The following ATP6V0A4 variants were observed in gnomAD, a reference collection of about 807,000 sequenced individuals.
ATP6V0A4 encodes ATPase H+ transporting V0 subunit a4, also known as V-type proton ATPase 116 kDa subunit a 4.
A neutral mutation model predicts 107.3 loss-of-function variants in ATP6V0A4; 86 were observed. The observed-to-expected ratio is 0.80, with a 90% CI of 0.67 to 0.96. The LOEUF is 0.96. ATP6V0A4 is among the 40% of genes least tolerant of loss of function. ATP6V0A4 has a pLI of 0.00. For missense variants in ATP6V0A4, 908 were observed against 1,045.6 expected, an observed-to-expected ratio of 0.87 and a Z score of 1.81; for synonymous variants, 353 against 381.4, an observed-to-expected ratio of 0.93 and a Z score of 0.87.
chr7:138,733,364 G>A (rs908769461), intron 16 of ATP6V0A4, among the ~76,000 whole-genome samples: 7 of 151,880 alleles, frequency 4.6e-5, no homozygotes, highest in African/African-American at 1.5e-4. Flanking sequence ...CAAAGGTCAT[G>A]CCCACACAGA....
intron 14 of ATP6V0A4, among the ~76,000 whole-genome samples, chr7:138,743,457 C>A (rs1365435091): frequency 1.1e-3 from 136 of 125,182 alleles, no homozygotes; most frequent in South Asian, 1.8e-3. Context: ...GACTCCATCT[C>A]AAAAAAAAAA....
chr7:138,790,845 A>G (rs1349589446), intron 1 of ATP6V0A4, among the ~76,000 whole-genome samples: 5 of 152,180 alleles, frequency 3.3e-5, no homozygotes, highest in Admixed American at 3.3e-4. Flanking sequence ...TGTTGCCCCC[A>G]AGCACTCGAT....
intron 21 of ATP6V0A4, among the ~76,000 whole-genome samples, chr7:138,708,610 A>G (rs1241614422): frequency 6.6e-6 from 1 of 152,150 alleles, no homozygotes; most frequent in Non-Finnish European, 1.5e-5. Flanking sequence ...AGGCCTAAAC[A>G]TGTTTCCATA....
chr7:138,780,631 C>A (rs933632919), intron 2 of ATP6V0A4, among the ~76,000 whole-genome samples: 2 of 152,186 alleles, frequency 1.3e-5, no homozygotes, highest in African/African-American at 4.8e-5. Flanking sequence ...CAACCTCCAT[C>A]CCTGCCACCA....
At chr7:138,754,549 T>C (rs1456775960) in intron 10 of ATP6V0A4, among the ~76,000 whole-genome samples, 3 of 152,072 alleles carry the variant, frequency 2.0e-5, no homozygotes, top group African/African-American at 4.8e-5. Flanking sequence ...TTTCTTAACA[T>C]ACTTGTCCAG....
chr7:138,743,450 T>G (rs1477935921), intron 14 of ATP6V0A4, among the ~76,000 whole-genome samples: 1 of 116,134 alleles, frequency 8.6e-6, no homozygotes, highest in African/African-American at 3.3e-5. Flanking sequence ...AGAGCAAGAC[T>G]CCATCTCAAA....
At chr7:138,733,285 G>A (rs1805124280) in intron 16 of ATP6V0A4, 192 bp from the exon 17 acceptor site, 26 of 452,776 alleles carry the variant, frequency 5.7e-5, no homozygotes, top group Non-Finnish European at 6.8e-5. Flanking sequence ...AAAATTGAAA[G>A]GAAATACTGG....
chr7:138,744,349 T>C (rs1301935197), intron 14 of ATP6V0A4, among the ~76,000 whole-genome samples: 1 of 150,822 alleles, frequency 6.6e-6, no homozygotes, highest in Non-Finnish European at 1.5e-5. Context: ...GCAGTTCTCG[T>C]GCCTTGGCCT....
chr7:138,749,129 T>G, intron 12 of ATP6V0A4, 38 bp downstream of exon 12: 1 of 1,612,818 alleles, frequency 6.2e-7, no homozygotes, highest in Non-Finnish European at 8.5e-7. Context: ...AGTTTTCACT[T>G]TCAAGCTACC....
intron 3 of ATP6V0A4, 24 bp downstream of exon 3, chr7:138,771,107 A>G (rs1807358889): frequency 6.2e-7 from 1 of 1,608,744 alleles, no homozygotes; most frequent in Non-Finnish European, 8.5e-7. Flanking sequence ...CCTTCCTCTT[A>G]TCTCCAAAGA....
chr7:138,708,000 G>C (rs192171738), intron 21 of ATP6V0A4, among the ~76,000 whole-genome samples: 1 of 150,428 alleles, frequency 6.6e-6, no homozygotes, highest in Non-Finnish European at 1.5e-5. Context: ...ATACCATGTC[G>C]GATGATTTAT....
In ATP6V0A4 at chr7:138,709,623, C is replaced by T; in HGVS notation, c.2429+1G>A. On this transcript the variant is annotated splice_donor_variant, in intron 21 of 21. Coordinates refer to ENST00000310018, the MANE Select transcript of ATP6V0A4 (RefSeq NM_020632.3). LOFTEE classifies it high-confidence loss of function. ...AGCTTCCAGGGGACAACCATCCTTA[C>T]CAGTGCAGTCGCAGGGCGTGCAGGA... 1 of 1,612,250 alleles carries T rather than the reference C, an allele frequency of 6.2e-7. No individual in the cohort carries two copies. Among genetic ancestry groups the T allele is most frequent in the Non-Finnish European group, 8.5e-7 (1 of 1,178,928 alleles).
intron 2 of ATP6V0A4, among the ~76,000 whole-genome samples, chr7:138,775,007 C>T (rs892348251): frequency 6.6e-6 from 1 of 152,016 alleles, no homozygotes; most frequent in African/African-American, 2.4e-5. Flanking sequence ...ATTTCTCTTG[C>T]CCAGGGGTGC....
At chr7:138,784,231 TATAC>T (rs1808047966) in intron 2 of ATP6V0A4, among the ~76,000 whole-genome samples, 2 of 45,358 alleles carry the variant, frequency 4.4e-5, no homozygotes, top group South Asian at 6.7e-4. Flanking sequence ...TATATATATA[TATAC>T]GTATATATAT....
chr7:138,730,931 C>CTTCTTTTTTTTTTTTT (rs1554392929), intron 17 of ATP6V0A4, among the ~76,000 whole-genome samples: 1 of 123,758 alleles, frequency 8.1e-6, no homozygotes, highest in African/African-American at 3.1e-5. Flanking sequence ...TCTTCTTCTT[C>CTTCTTTTTTTTTTTTT]TTTTTTTATT....
chr7:138,739,525 AG>A lies in ATP6V0A4; in HGVS notation c.1572+14del, dbSNP rs752023160. On this transcript the variant is annotated intron_variant, in intron 15 of 21. Transcript: ENST00000310018. ...GTTCACATAAGAAATATTTAACCCA[AG>A]AAGACATTATTACCGGATCAATCCC... 6.2e-6 allele frequency: 10 copies of A among 1,613,784 alleles called. No individual in the cohort carries two copies. The South Asian group carries it at 1.1e-4, about 18-fold the overall frequency.
At chr7:138,775,004 T>C (rs1001147012) in intron 2 of ATP6V0A4, among the ~76,000 whole-genome samples, 16 of 152,054 alleles carry the variant, frequency 1.1e-4, no homozygotes, top group African/African-American at 3.9e-4. Context: ...TGCATTTCTC[T>C]TGCCCAGGGG....
intron 14 of ATP6V0A4, among the ~76,000 whole-genome samples, chr7:138,743,821 C>T (rs953708327): frequency 2.6e-5 from 4 of 152,164 alleles, no homozygotes; most frequent in South Asian, 2.1e-4. Flanking sequence ...TTAGCCCTCA[C>T]GCTACTGTGG....
chr7:138,707,068 A>ATGTGTGTGTGTGTGTGTGTGTG (rs10669320), intron 21 of ATP6V0A4, among the ~76,000 whole-genome samples: 1,117 of 90,062 alleles, frequency 0.012, 32 homozygotes, highest in African/African-American at 0.025. Context: ...GCTAATTTAT[A>ATGTGTGTGTGTGTGTGTGTGTG]TGTGTGTGTG....
Sources: allele counts gnomAD v4.1 joint callset (sites outside exome capture counted in the v4.1 genomes callset), GRCh38; gene constraint gnomAD v4.1.1; transcripts MANE v1.5; gene names NCBI Gene and HGNC (gene_info 2026-07-23, HGNC 2026-07-21).